The following AP2A1 variants were observed in gnomAD, a reference collection of about 807,000 sequenced individuals.
The protein encoded by AP2A1 is adaptor related protein complex 2 subunit alpha 1, also known as AP-2 complex subunit alpha-1.
AP2A1 carries 21 observed loss-of-function variants against 107.3 expected under a neutral mutation model. That is an observed-to-expected ratio of 0.20 (90% CI 0.14 to 0.28). The LOEUF is 0.28. Among genes scored for constraint, AP2A1 ranks in the 10% least tolerant of loss-of-function variants. The pLI, the probability that AP2A1 is intolerant of heterozygous loss-of-function variation, is 1.00. For missense variants in AP2A1, 873 were observed against 1,307.7 expected (o/e 0.67, Z 5.13); for synonymous variants, 602 against 564.8 (o/e 1.07, Z -0.93).
intron 1 of AP2A1, among the ~76,000 whole-genome samples, chr19:49,778,815 AAC>A (rs1490159354): frequency 6.6e-6 from 1 of 151,888 alleles, no homozygotes; most frequent in African/African-American, 2.4e-5. Flanking sequence ...ATATTTAAAT[AAC>A]ACATATTCTT....
At chr19:49,806,503 C>T in intron 22 of AP2A1, 178 bp from the exon 23 acceptor site, 1 of 1,447,404 alleles carries the variant, frequency 6.9e-7, no homozygotes, top group Non-Finnish European at 9.1e-7. Context: ...TTTCTCTCAT[C>T]TTTTATAATT....
intron 18 of AP2A1, among the ~76,000 whole-genome samples, chr19:49,804,713 G>A (rs1415601309): frequency 3.9e-5 from 6 of 152,078 alleles, no homozygotes; most frequent in Non-Finnish European, 7.3e-5. Flanking sequence ...ACCATGTGCC[G>A]GGCACACAGA....
intron 7 of AP2A1, 45 bp downstream of exon 7, chr19:49,795,783 G>T: frequency 7.3e-7 from 1 of 1,366,136 alleles, no homozygotes. Flanking sequence ...GCCTGCTGCT[G>T]GCATCTGGGG....
At chr19:49,789,048 G>A (rs1202996699) in intron 4 of AP2A1, among the ~76,000 whole-genome samples, 1 of 152,186 alleles carries the variant, frequency 6.6e-6, no homozygotes, top group East Asian at 1.9e-4. Context: ...GGCGTCAGTC[G>A]GGCGAGTATC....
At chr19:49,802,212 C>A in intron 15 of AP2A1, 71 bp downstream of exon 15, 1 of 1,297,788 alleles carries the variant, frequency 7.7e-7, no homozygotes, top group Non-Finnish European at 1.1e-6. Flanking sequence ...CCTCTGTCCC[C>A]GTTTTCCCTG....
At chr19:49,797,930 A>G (rs1238664716) in intron 7 of AP2A1, among the ~76,000 whole-genome samples, 1 of 151,948 alleles carries the variant, frequency 6.6e-6, no homozygotes, top group African/African-American at 2.4e-5. Flanking sequence ...TAGGATTTAA[A>G]TTGGATTCTG....
Position 49,793,022 on chromosome 19 carries a change from C to A in AP2A1, c.635C>A (p.Thr212Asn). ...GTCACGGCCGCCGTCAGCCTCATCACCTGTCTCTGCAAGAAGAACCCAGAT... is the reference window on the plus strand; with the variant it reads ...GTCACGGCCGCCGTCAGCCTCATCAACTGTCTCTGCAAGAAGAACCCAGAT... ...GVVTAAVSLI[T>N]CLCKKNPDDF... The change falls in exon 6 of 23, where the codon ACC becomes AAC. Residue 212 changes from threonine (T) to asparagine (N), a missense_variant. Thr to Asn is a moderately conservative substitution (Grantham distance 65). Coordinates refer to ENST00000354293, the MANE Select transcript of AP2A1 (RefSeq NM_130787.3). 6.2e-7 allele frequency: 1 copy of A among 1,609,858 alleles called. No individual in the cohort carries two copies.
chr19:49,777,726 G>T (rs1176253410), intron 1 of AP2A1, among the ~76,000 whole-genome samples: 4 of 151,586 alleles, frequency 2.6e-5, no homozygotes, highest in African/African-American at 9.7e-5. Flanking sequence ...GAGGAGTTGA[G>T]ACCACCCTGG....
intron 4 of AP2A1, among the ~76,000 whole-genome samples, chr19:49,786,587 G>A (rs1351833031): frequency 6.6e-6 from 1 of 152,218 alleles, no homozygotes; most frequent in Non-Finnish European, 1.5e-5. Flanking sequence ...AGCGTGTTAC[G>A]CTCTGGCAGG....
chr19:49,768,229 G>A (rs1010089553), intron 1 of AP2A1, among the ~76,000 whole-genome samples: 4 of 152,032 alleles, frequency 2.6e-5, no homozygotes, highest in African/African-American at 7.3e-5. Flanking sequence ...AAGAGTTGTC[G>A]TGACGATGGG....
intron 4 of AP2A1, 64 bp from the exon 5 acceptor site, chr19:49,791,871 G>A: frequency 2.0e-6 from 3 of 1,528,366 alleles, no homozygotes; most frequent in South Asian, 2.4e-5. Flanking sequence ...CAGGAGAGGA[G>A]GGGAGGTGTG....
intron 1 of AP2A1, among the ~76,000 whole-genome samples, chr19:49,768,472 A>G (rs2084525792): frequency 6.6e-6 from 1 of 152,066 alleles, no homozygotes; most frequent in South Asian, 2.1e-4. Flanking sequence ...GCTTGTGACA[A>G]TGCCCCTCAG....
chr19:49,777,389 AC>A (rs1476723998), intron 1 of AP2A1, among the ~76,000 whole-genome samples: 4 of 151,904 alleles, frequency 2.6e-5, no homozygotes, highest in African/African-American at 9.7e-5. Context: ...TAATCATAGC[AC>A]TTTGGGAGGC....
At position 49,775,157 on chromosome 19, in the gene AP2A1, G is replaced by C. The variant is rs527259139; in HGVS notation, c.68-6600G>C. ...ATGGGACGATCGCTTGAGCCCAGGA[G>C]GTCGAGGTTGCAATGAGTCAAGATC... On this transcript the variant is annotated intron_variant, in intron 1 of 22. Coordinates refer to ENST00000354293, the MANE Select transcript of AP2A1 (RefSeq NM_130787.3). Among the ~76,000 whole-genome samples, 9 of 152,250 alleles carry C rather than the reference G, an allele frequency of 5.9e-5. No individual in the cohort carries two copies. The South Asian group carries it at 1.9e-3, about 32-fold the overall frequency.
chr19:49,787,347 G>GTTTTTTTTTTT lies in AP2A1; in HGVS notation c.474-4582_474-4581insTTTTTTTTTTT, dbSNP rs199550216. Among the ~76,000 whole-genome samples, 118 of 96,168 alleles carry GTTTTTTTTTTT rather than the reference G, an allele frequency of 1.2e-3. 2 individuals carry two copies. The highest frequency in any genetic ancestry group is 2.7e-3 in the African/African-American group (60 of 22,468). 63.1% of individuals were successfully genotyped at this position (96,168 alleles called of 152,430 possible). On this transcript the variant is annotated intron_variant, in intron 4 of 22. Coordinates refer to ENST00000354293, the MANE Select transcript of AP2A1 (RefSeq NM_130787.3). The stretch of plus-strand genomic sequence containing the variant: ...TAGGCTTTTTTTGTTTGTTTTTTTT[G>GTTTTTTTTTTT]TTTTTTGTTTTTTTTTTTTTGAGGC...
chr19:49,779,500 A>C (rs138371986), intron 1 of AP2A1, among the ~76,000 whole-genome samples: 3,568 of 150,750 alleles, frequency 0.024, 80 homozygotes, highest in South Asian at 0.093. Context: ...AAAAAAAAAA[A>C]AAAAAAAAAA....
Position 49,802,137 on chromosome 19 carries a change from C to T in AP2A1, c.2110C>T (p.Leu704Phe), listed in dbSNP as rs1377019451. Reference sequence around the variant, plus strand: ...GGGGCCCACCCCCGAGGAGGCCTTCCTCAGGTAGCACCCCCTGGGCCCGGG... The same window carrying T: ...GGGGCCCACCCCCGAGGAGGCCTTCTTCAGGTAGCACCCCCTGGGCCCGGG... The part of the protein sequence containing the change: ...SLGPTPEEAF[L>F]SPGPEDIGPP... Residue 704 changes from leucine (L) to phenylalanine (F), a missense_variant, in exon 15 of 23, where the codon CTC becomes TTC. Coordinates refer to ENST00000354293, the MANE Select transcript of AP2A1 (RefSeq NM_130787.3). 6.4e-7 allele frequency: 1 copy of T among 1,563,304 alleles called. No homozygotes were observed. Among genetic ancestry groups the T allele is most frequent in the Non-Finnish European group, 8.6e-7 (1 of 1,161,236 alleles).
rs760518335 is a variant in AP2A1, at chr19:49,782,608, C to G, written c.357C>G (p.Asp119Glu). 1 of 1,613,842 alleles carries G rather than the reference C, an allele frequency of 6.2e-7. No homozygotes were observed. The highest frequency in any genetic ancestry group is 1.1e-5 in the South Asian group (1 of 91,066). ...IRLINNAIKN[D>E]LASRNPTFMC... ...TCATCAACAACGCCATCAAGAATGA[C>G]CTGGCCAGCCGCAACCCCACCTTCA... is the stretch of plus-strand genomic sequence containing the variant. Residue 119 changes from aspartate (D) to glutamate (E), a missense_variant, in exon 4 of 23, where the codon GAC (aspartate) becomes GAG (glutamate). Coordinates refer to ENST00000354293, the MANE Select transcript of AP2A1 (RefSeq NM_130787.3).
chr19:49,783,355 G>A (rs78853602), intron 4 of AP2A1, among the ~76,000 whole-genome samples: 2 of 152,114 alleles, frequency 1.3e-5, no homozygotes, highest in Admixed American at 1.3e-4. Flanking sequence ...CCAGGGCATG[G>A]TGGCGTGCAC....
Sources: allele counts gnomAD v4.1 joint callset (sites outside exome capture counted in the v4.1 genomes callset), GRCh38; gene constraint gnomAD v4.1.1; transcripts MANE v1.5; gene names NCBI Gene and HGNC (gene_info 2026-07-23, HGNC 2026-07-21).